The following ACMSD variants were observed in gnomAD, a reference collection of about 807,000 sequenced individuals.
ACMSD encodes aminocarboxymuconate semialdehyde decarboxylase.
A neutral mutation model predicts 45.9 loss-of-function variants in ACMSD; 37 were observed. That is an observed-to-expected ratio of 0.81 (90% CI 0.62 to 1.06). The LOEUF is 1.06. Ranked by LOEUF, ACMSD falls within the 50% of genes least tolerant of loss-of-function variation. The pLI is 0.00. For synonymous variants in ACMSD, 138 were observed against 148.8 expected (o/e 0.93, Z 0.53); for missense variants, 434 against 420.9 (o/e 1.03, Z -0.27).
chr2:134,852,482 T>C (rs1359613037), intron 2 of ACMSD, among the ~76,000 whole-genome samples: 1 of 151,738 alleles, frequency 6.6e-6, no homozygotes, highest in South Asian at 2.1e-4. Context: ...AGGAAGTGAA[T>C]TGGATGGTGG....
chr2:134,891,461 A>C (rs1335922989), intron 8 of ACMSD, among the ~76,000 whole-genome samples: 1 of 152,142 alleles, frequency 6.6e-6, no homozygotes, highest in Non-Finnish European at 1.5e-5. Context: ...AAGACATACA[A>C]ATGGCCAACA....
chr2:134,896,463 A>G (rs1234035174), intron 8 of ACMSD, among the ~76,000 whole-genome samples: 1 of 152,240 alleles, frequency 6.6e-6, no homozygotes. Flanking sequence ...TGATAAAAAG[A>G]TAACAAAATG....
At chr2:134,865,599 TG>T (rs1439188184) in intron 5 of ACMSD, among the ~76,000 whole-genome samples, 1 of 152,168 alleles carries the variant, frequency 6.6e-6, no homozygotes, top group African/African-American at 2.4e-5. Flanking sequence ...GCAGCATATT[TG>T]TTTGGTTAGC....
At chr2:134,878,574 A>G (rs1688875399) in intron 8 of ACMSD, among the ~76,000 whole-genome samples, 1 of 152,016 alleles carries the variant, frequency 6.6e-6, no homozygotes, top group Non-Finnish European at 1.5e-5. Flanking sequence ...TGATCCACCC[A>G]CCTCAGCCTC....
chr2:134,857,098 C>T (rs1173567514), intron 2 of ACMSD, among the ~76,000 whole-genome samples: 1 of 152,128 alleles, frequency 6.6e-6, no homozygotes, highest in South Asian at 2.1e-4. Context: ...GATCTTTCAC[C>T]TTTTTGGTTA....
chr2:134,850,550 G>A (rs1299169976), intron 2 of ACMSD, among the ~76,000 whole-genome samples: 2 of 152,326 alleles, frequency 1.3e-5, no homozygotes, highest in East Asian at 1.9e-4. Context: ...TTATAGGCGT[G>A]AGCCAACAGG....
chr2:134,851,657 T>A (rs1687352040), intron 2 of ACMSD, among the ~76,000 whole-genome samples: 1 of 152,146 alleles, frequency 6.6e-6, no homozygotes, highest in Admixed American at 6.5e-5. Context: ...TGGCCAGAAT[T>A]GTCTCAAACT....
At chr2:134,863,246 A>G (rs1212668201) in intron 4 of ACMSD, 149 bp from the exon 5 acceptor site, 3 of 973,708 alleles carry the variant, frequency 3.1e-6, no homozygotes, top group African/African-American at 3.3e-5. Flanking sequence ...TGTGGCCAGC[A>G]CCTTTCCCAA....
intron 1 of ACMSD, among the ~76,000 whole-genome samples, chr2:134,844,726 G>C (rs763911348): frequency 3.3e-5 from 5 of 152,186 alleles, no homozygotes; most frequent in Non-Finnish European, 7.3e-5. Flanking sequence ...GGCATGCACA[G>C]AAGTGTGAAA....
chr2:134,896,445 T>C (rs1272437574), intron 8 of ACMSD, among the ~76,000 whole-genome samples: 1 of 152,198 alleles, frequency 6.6e-6, no homozygotes, highest in African/African-American at 2.4e-5. Context: ...AGATCTCTTA[T>C]AGCTCAATGA....
chr2:134,881,431 A>C (rs1394432260), intron 8 of ACMSD, among the ~76,000 whole-genome samples: 6 of 152,226 alleles, frequency 3.9e-5, no homozygotes, highest in Non-Finnish European at 8.8e-5. Context: ...ATAAGCAGAG[A>C]TATGATCTTG....
At chr2:134,894,084 A>G (rs1159121535) in intron 8 of ACMSD, among the ~76,000 whole-genome samples, 5 of 152,114 alleles carry the variant, frequency 3.3e-5, no homozygotes, top group Non-Finnish European at 5.9e-5. Context: ...AGTAAACTAA[A>G]TCCCAAGCAA....
intron 2 of ACMSD, among the ~76,000 whole-genome samples, chr2:134,849,454 G>C (rs1001035720): frequency 6.6e-6 from 1 of 152,160 alleles, no homozygotes; most frequent in Non-Finnish European, 1.5e-5. Context: ...ACATGCAAAT[G>C]TATACAATTA....
intron 2 of ACMSD, among the ~76,000 whole-genome samples, chr2:134,851,409 C>G (rs1294831762): frequency 6.6e-6 from 1 of 152,022 alleles, no homozygotes; most frequent in African/African-American, 2.4e-5. Flanking sequence ...GTCAGATACT[C>G]CACTAATTTA....
At chr2:134,869,205 CATTT>C (rs10685496) in intron 6 of ACMSD, among the ~76,000 whole-genome samples, 12 of 149,540 alleles carry the variant, frequency 8.0e-5, no homozygotes, top group East Asian at 7.9e-4. Context: ...CCCACAAGCT[CATTT>C]ATTTATTTAT....
At chr2:134,868,367 C>A (rs1366794048) in intron 6 of ACMSD, among the ~76,000 whole-genome samples, 4 of 151,782 alleles carry the variant, frequency 2.6e-5, no homozygotes, top group African/African-American at 9.7e-5. Context: ...ATGTAAAATT[C>A]TGGAGCTATA....
chr2:134,853,422 A>T (rs1687439963), intron 2 of ACMSD, among the ~76,000 whole-genome samples: 1 of 152,114 alleles, frequency 6.6e-6, no homozygotes, highest in South Asian at 2.1e-4. Context: ...AATTGTTTAA[A>T]AAAAAAAAAC....
At chr2:134,892,860 T>C (rs1032091467) in intron 8 of ACMSD, among the ~76,000 whole-genome samples, 2 of 152,178 alleles carry the variant, frequency 1.3e-5, no homozygotes, top group African/African-American at 4.8e-5. Context: ...ACTTCAATAT[T>C]AGCATAACAT....
chr2:134,899,916 G>T (rs191408328), intron 9 of ACMSD, among the ~76,000 whole-genome samples: 10 of 152,118 alleles, frequency 6.6e-5, no homozygotes, highest in African/African-American at 2.4e-4. Context: ...TTGTGAAAAA[G>T]AATCTTTATA....
Sources: gnomAD v4.1 joint callset for allele counts (sites outside exome capture counted in the v4.1 genomes callset) on GRCh38, gnomAD v4.1.1 for gene constraint, MANE v1.5 for transcripts, NCBI Gene and HGNC (gene_info 2026-07-23, HGNC 2026-07-21) for gene names.